HIVEP2: variants seen among roughly 807,000 people sequenced by gnomAD.
The protein encoded by HIVEP2 is HIVEP zinc finger 2, also known as transcription factor HIVEP2.
Under a neutral mutation model 180.7 loss-of-function variants are expected in HIVEP2, and 14 were observed. The ratio of observed to expected loss-of-function variants is 0.08; its 90% CI spans 0.05 to 0.12. The LOEUF (loss-of-function observed/expected upper bound fraction) is 0.12, where lower values mean the gene tolerates loss of function less well. HIVEP2 is among the 10% of genes least tolerant of loss of function. The pLI is 1.00. For synonymous variants in HIVEP2, 1,184 were observed against 1,136.4 expected, an observed-to-expected ratio of 1.04 and a Z score of -0.84; for missense variants, 2,579 against 3,008.5, an observed-to-expected ratio of 0.86 and a Z score of 3.34.
chr6:142,815,126 AC>A (rs1289896471), intron 2 of HIVEP2, among the ~76,000 whole-genome samples: 1 of 152,190 alleles, frequency 6.6e-6, no homozygotes, highest in African/African-American at 2.4e-5. Flanking sequence ...TTTCTCAATA[AC>A]AGCATTAATC....
chr6:142,863,280 G>T (rs2114963758), intron 1 of HIVEP2, among the ~76,000 whole-genome samples: 1 of 150,980 alleles, frequency 6.6e-6, no homozygotes, highest in East Asian at 1.9e-4. Context: ...TAAACTACCA[G>T]TTATAGTAGT....
At chr6:142,826,216 T>C (rs1774895562) in intron 2 of HIVEP2, among the ~76,000 whole-genome samples, 1 of 152,230 alleles carries the variant, frequency 6.6e-6, no homozygotes, top group South Asian at 2.1e-4. Flanking sequence ...ATTTCCGCTA[T>C]GTGTATGTTT....
At chr6:142,873,362 T>C (rs956574952) in intron 1 of HIVEP2, among the ~76,000 whole-genome samples, 24 of 152,174 alleles carry the variant, frequency 1.6e-4, no homozygotes, top group African/African-American at 5.8e-4. Context: ...AAACAAGCTG[T>C]ATATTCAAAA....
intron 1 of HIVEP2, among the ~76,000 whole-genome samples, chr6:142,882,609 G>A (rs768981683): frequency 2.9e-5 from 4 of 139,150 alleles, no homozygotes; most frequent in South Asian, 2.7e-4. Context: ...GCAAGACTCT[G>A]TCTATAAAAA....
chr6:142,862,076 C>T (rs1304210804), intron 1 of HIVEP2, among the ~76,000 whole-genome samples: 1 of 152,142 alleles, frequency 6.6e-6, no homozygotes, highest in East Asian at 1.9e-4. Flanking sequence ...ATCAGCCCAG[C>T]AGTTTGTTAA....
intron 2 of HIVEP2, among the ~76,000 whole-genome samples, chr6:142,828,803 C>T (rs1301033704): frequency 8.5e-5 from 13 of 152,178 alleles, no homozygotes; most frequent in Non-Finnish European, 2.9e-5. Flanking sequence ...TCTCTCAATA[C>T]TGAGCACAAT....
At chr6:142,857,675 C>A (rs1775857898) in intron 1 of HIVEP2, among the ~76,000 whole-genome samples, 1 of 152,180 alleles carries the variant, frequency 6.6e-6, no homozygotes, top group African/African-American at 2.4e-5. Context: ...GTGGGTATTG[C>A]TATTTTTTAC....
intron 1 of HIVEP2, among the ~76,000 whole-genome samples, chr6:142,940,209 T>G (rs1202737674): frequency 6.6e-6 from 1 of 152,206 alleles, no homozygotes; most frequent in African/African-American, 2.4e-5. Context: ...ATTTATTAAT[T>G]GAATCAATGA....
At chr6:142,866,066 T>C (rs1396461870) in intron 1 of HIVEP2, among the ~76,000 whole-genome samples, 1 of 152,014 alleles carries the variant, frequency 6.6e-6, no homozygotes, top group East Asian at 1.9e-4. Context: ...TGGAAGAAAA[T>C]ACCTGTTTTG....
chr6:142,889,769 A>G (rs900404256), intron 1 of HIVEP2, among the ~76,000 whole-genome samples: 2 of 152,174 alleles, frequency 1.3e-5, no homozygotes, highest in Admixed American at 6.5e-5. Flanking sequence ...TTATACATAC[A>G]TTTATCAGAC....
chr6:142,806,885 C>T (rs369078706), intron 2 of HIVEP2, among the ~76,000 whole-genome samples: 1 of 152,136 alleles, frequency 6.6e-6, no homozygotes, highest in African/African-American at 2.4e-5. Flanking sequence ...TGTCCAGGAT[C>T]CACGGTCCCT....
intron 6 of HIVEP2, among the ~76,000 whole-genome samples, chr6:142,767,661 G>T (rs1473869365): frequency 6.6e-6 from 1 of 152,138 alleles, no homozygotes; most frequent in Non-Finnish European, 1.5e-5. Flanking sequence ...CTATGTGACT[G>T]GATGAAAGAT....
At position 142,774,206 on chromosome 6, in the gene HIVEP2, T is replaced by C. The variant is rs757067793; in HGVS notation, c.533A>G (p.Lys178Arg). Reference sequence around the variant, plus strand: ...AGGCTTTTTGGGTTTGTGCTCTTTCTTGTGAGCCTCTTCTGCCTGTTCAAT... The same window carrying C: ...AGGCTTTTTGGGTTTGTGCTCTTTCCTGTGAGCCTCTTCTGCCTGTTCAAT... The part of the protein sequence containing the change: ...KSIEQAEEAH[K>R]KEHKPKKPGK... Residue 178 changes from lysine (K) to arginine (R), a missense_variant, in exon 5 of 10, where the codon AAG becomes AGG. Physicochemically the swap from Lys to Arg is conservative, Grantham distance 26. Transcript: ENST00000367603. The surrounding 1 kb of genome is among the most constrained non-coding windows in gnomAD (Gnocchi z 5.1). 1.5e-5 allele frequency: 25 copies of C among 1,614,060 alleles called. No homozygotes were observed. Among genetic ancestry groups the C allele is most frequent in the Non-Finnish European group, 1.9e-5 (22 of 1,180,054 alleles).
intron 1 of HIVEP2, among the ~76,000 whole-genome samples, chr6:142,840,451 A>G (rs1775334774): frequency 6.6e-6 from 1 of 152,114 alleles, no homozygotes; most frequent in African/African-American, 2.4e-5. Context: ...AACACCATTT[A>G]TCCCATTACC....
intron 1 of HIVEP2, among the ~76,000 whole-genome samples, chr6:142,929,692 A>T (rs923485394): frequency 1.3e-5 from 2 of 152,216 alleles, no homozygotes; most frequent in Admixed American, 1.3e-4. Flanking sequence ...AATGAAAAGG[A>T]TTAAGACTTG....
At chr6:142,892,355 C>T (rs1011343597) in intron 1 of HIVEP2, among the ~76,000 whole-genome samples, 1 of 152,098 alleles carries the variant, frequency 6.6e-6, no homozygotes, top group Non-Finnish European at 1.5e-5. Flanking sequence ...TGCACAAATC[C>T]ACACATACCC....
At chr6:142,907,519 T>A (rs540060457) in intron 1 of HIVEP2, among the ~76,000 whole-genome samples, 1 of 152,282 alleles carries the variant, frequency 6.6e-6, no homozygotes, top group Admixed American at 6.5e-5. Flanking sequence ...TTACCCTGAG[T>A]CGTACTCAGT....
Position 142,753,557 on chromosome 6 carries a change from G to C in HIVEP2, c.6891C>G (p.Ser2297Arg). The C allele has an allele frequency of 6.2e-7, 1 of 1,614,190 alleles. No individual in the cohort carries two copies. Among genetic ancestry groups the C allele is most frequent in the Non-Finnish European group, 8.5e-7 (1 of 1,180,040 alleles). ...PHALQSSGPP[S>R]TPSSPRLLMK... ...TCAACAGCCGAGGAGAGGAGGGAGT[G>C]CTAGGTGGACCAGATGACTGCAAAG... The change falls in exon 10 of 10, where the codon AGC (serine) becomes AGG (arginine). Residue 2297 changes from serine (S) to arginine (R), a missense_variant. Transcript: ENST00000367603.
At chr6:142,816,265 C>T (rs1282773915) in intron 2 of HIVEP2, among the ~76,000 whole-genome samples, 1 of 152,208 alleles carries the variant, frequency 6.6e-6, no homozygotes, top group African/African-American at 2.4e-5. Flanking sequence ...AATGGTCATG[C>T]ATCTCACGAG....
Sources: gnomAD v4.1 joint callset for allele counts (sites outside exome capture counted in the v4.1 genomes callset) on GRCh38, gnomAD v4.1.1 for gene constraint, Gnocchi (gnomAD v3.1) non-coding constraint, MANE v1.5 for transcripts, NCBI Gene and HGNC (gene_info 2026-07-23, HGNC 2026-07-21) for gene names.